The following TRIM71 variants were observed in gnomAD, a reference collection of about 807,000 sequenced individuals.
TRIM71 encodes the protein tripartite motif containing 71.
Under a neutral mutation model 61.2 loss-of-function variants are expected in TRIM71, and 9 were observed. That is an observed-to-expected ratio of 0.15 (90% CI 0.09 to 0.26). The LOEUF (loss-of-function observed/expected upper bound fraction) is 0.26, where lower values mean the gene tolerates loss of function less well. TRIM71 is among the 10% of genes least tolerant of loss of function. The pLI is 1.00. For missense variants in TRIM71, 998 were observed against 1,238.7 expected, an observed-to-expected ratio of 0.81 and a Z score of 2.92; for synonymous variants, 645 against 553.2, an observed-to-expected ratio of 1.17 and a Z score of -2.33.
In TRIM71 at chr3:32,818,414, T is replaced by C; in HGVS notation, c.334T>C (p.Ser112Pro). 6.8e-7 allele frequency: 1 copy of C among 1,477,450 alleles called. No individual in the cohort carries two copies. Among genetic ancestry groups the C allele is most frequent in the Non-Finnish European group, 8.9e-7 (1 of 1,118,618 alleles). The allele number at this position is 1,477,450 out of a possible 1,614,324, so 91.5% of individuals were successfully genotyped here. Residue 112 changes from serine (S) to proline (P), a missense_variant, in exon 1 of 4, where the codon TCC becomes CCC. Physicochemically the swap from Ser to Pro is moderately conservative, Grantham distance 74 (BLOSUM62 -1). Transcript: ENST00000383763. ...GGCGGGTATGGACGCGCTGCCTTCG[T>C]CCGCCTTCCTGCTTAGCAACCTGCT... ...EAAGMDALPS[S>P]AFLLSNLLDA...
At chr3:32,860,127 C>T (rs1337503193) in intron 1 of TRIM71, among the ~76,000 whole-genome samples, 1 of 146,314 alleles carries the variant, frequency 6.8e-6, no homozygotes, top group Admixed American at 6.8e-5. Context: ...CCTCTCCTCC[C>T]CTCCCCTCTT....
At chr3:32,866,475 C>T (rs1461916543) in intron 1 of TRIM71, among the ~76,000 whole-genome samples, 1 of 152,064 alleles carries the variant, frequency 6.6e-6, no homozygotes, top group Non-Finnish European at 1.5e-5. Flanking sequence ...GATCTGCCCT[C>T]TTCGCACTCC....
chr3:32,873,367 T>C (rs1696819117), intron 1 of TRIM71, among the ~76,000 whole-genome samples: 1 of 152,184 alleles, frequency 6.6e-6, no homozygotes, highest in Non-Finnish European at 1.5e-5. Context: ...TTCACACATC[T>C]AGGCTAGAGC....
rs1015817034 is a variant in TRIM71 at position 32,818,699 on chromosome 3, G to A, written c.619G>A (p.Ala207Thr). 1 of 1,581,364 alleles carries A rather than the reference G, an allele frequency of 6.3e-7. No homozygotes were observed. Among genetic ancestry groups the A allele is most frequent in the East Asian group, 2.3e-5 (1 of 43,846 alleles). Reference sequence around the variant, plus strand: ...CTGCAGCTCGTGCGATGAGGGCAACGCAGCTTCTTCGCGCTGCCTCGACTG... The same window carrying A: ...CTGCAGCTCGTGCGATGAGGGCAACACAGCTTCTTCGCGCTGCCTCGACTG... ...HGCSSCDEGN[A>T]ASSRCLDCQE... The change falls in exon 1 of 4, where the codon GCA becomes ACA. Residue 207 changes from alanine (A) to threonine (T), a missense_variant. By Grantham distance (58) the Ala-to-Thr change is moderately conservative (BLOSUM62 0). Coordinates refer to ENST00000383763, the MANE Select transcript of TRIM71 (RefSeq NM_001039111.3).
chr3:32,819,589 C>G (rs975683174), intron 1 of TRIM71, among the ~76,000 whole-genome samples: 1 of 152,208 alleles, frequency 6.6e-6, no homozygotes, highest in Non-Finnish European at 1.5e-5. Flanking sequence ...AAGCCCTTCT[C>G]TCTCTGCGGC....
intron 1 of TRIM71, among the ~76,000 whole-genome samples, chr3:32,852,449 A>G (rs981959994): frequency 6.6e-6 from 1 of 152,216 alleles, no homozygotes; most frequent in African/African-American, 2.4e-5. Context: ...GGGCTCTCAG[A>G]TGTGAGAACT....
Position 32,838,004 on chromosome 3 carries a change from G to T in TRIM71, c.852+19072G>T, listed in dbSNP as rs148721521. Among the ~76,000 whole-genome samples, 12 of 152,268 alleles carry T rather than the reference G, an allele frequency of 7.9e-5. No homozygotes were observed. In the East Asian group the frequency reaches 2.3e-3, roughly 29 times the overall value. ...CAAGGATTGCTCGGAAAATGTGGAT[G>T]TGAATTTTGCTCAATCAACACACTT... On this transcript the variant is annotated intron_variant, in intron 1 of 3. Transcript: ENST00000383763.
chr3:32,891,134 G>A lies in TRIM71; in HGVS notation c.1930G>A (p.Gly644Ser), dbSNP rs562098717. The change falls in exon 4 of 4, where the codon GGC (glycine) becomes AGC (serine). Residue 644 changes from glycine to serine, a missense_variant. Transcript: ENST00000383763. This position sits in a 1 kb window ranked among gnomAD's most constrained non-coding sequence, Gnocchi z 8.2. ...CTGCGGCGCCTTCCACCACAAATTC[G>A]GCACCCTGGGCTCCCGGCCTGGGCA... is the stretch of plus-strand genomic sequence containing the variant. Reference protein sequence around the residue: ...KPCGAFHHKFGTLGSRPGQFD... With the variant: ...KPCGAFHHKFSTLGSRPGQFD... 1 of 1,612,360 alleles carries A rather than the reference G, an allele frequency of 6.2e-7. No individual in the cohort carries two copies. The highest frequency in any genetic ancestry group is 1.3e-5 in the African/African-American group (1 of 75,038).
intron 2 of TRIM71, among the ~76,000 whole-genome samples, chr3:32,874,969 C>T (rs1171421882): frequency 2.0e-5 from 3 of 152,112 alleles, no homozygotes; most frequent in Non-Finnish European, 4.4e-5. Context: ...TACAGGCGCC[C>T]GCTGCCATTC....
intron 1 of TRIM71, among the ~76,000 whole-genome samples, chr3:32,869,573 G>A (rs769530195): frequency 6.6e-6 from 1 of 152,218 alleles, no homozygotes; most frequent in African/African-American, 2.4e-5. Context: ...GTGCACACAC[G>A]TTCATTAACA....
intron 1 of TRIM71, among the ~76,000 whole-genome samples, chr3:32,853,927 T>G (rs970221021): frequency 6.6e-6 from 1 of 151,334 alleles, no homozygotes; most frequent in Admixed American, 6.6e-5. Flanking sequence ...TCATTTGAAC[T>G]CAAGAGGCGG....
intron 3 of TRIM71, among the ~76,000 whole-genome samples, chr3:32,886,365 GA>G (rs1559551285): frequency 6.6e-6 from 1 of 152,166 alleles, no homozygotes; most frequent in Non-Finnish European, 1.5e-5. Context: ...GAGCATAGTC[GA>G]AACTGTTGTT....
chr3:32,821,905 G>T (rs1034763000), intron 1 of TRIM71, among the ~76,000 whole-genome samples: 1 of 152,046 alleles, frequency 6.6e-6, no homozygotes, highest in Non-Finnish European at 1.5e-5. Flanking sequence ...GCAGGCACCC[G>T]CTGGGGTATT....
chr3:32,823,768 A>C (rs1322452489), intron 1 of TRIM71, among the ~76,000 whole-genome samples: 1 of 146,390 alleles, frequency 6.8e-6, no homozygotes, highest in Non-Finnish European at 1.5e-5. Context: ...GACTATCTAA[A>C]AAGATACAGG....
At chr3:32,822,749 G>A (rs187344761) in intron 1 of TRIM71, among the ~76,000 whole-genome samples, 3 of 152,178 alleles carry the variant, frequency 2.0e-5, no homozygotes, top group East Asian at 1.9e-4. Flanking sequence ...ACTGCATGTC[G>A]AAGTAATTCT....
intron 1 of TRIM71, among the ~76,000 whole-genome samples, chr3:32,861,421 C>T (rs1000489288): frequency 2.0e-5 from 3 of 148,160 alleles, no homozygotes; most frequent in Admixed American, 1.3e-4. Context: ...CATGAGCCAC[C>T]GTGCCCAGCC....
At chr3:32,822,607 G>A (rs2125673389) in intron 1 of TRIM71, among the ~76,000 whole-genome samples, 1 of 152,276 alleles carries the variant, frequency 6.6e-6, no homozygotes, top group South Asian at 2.1e-4. Context: ...TGTTCCCAAA[G>A]TCTAAGTTTT....
At chr3:32,866,122 A>G (rs1464139062) in intron 1 of TRIM71, among the ~76,000 whole-genome samples, 1 of 150,862 alleles carries the variant, frequency 6.6e-6, no homozygotes, top group African/African-American at 2.4e-5. Context: ...CACCATGTAC[A>G]ACATGACTTA....
intron 1 of TRIM71, among the ~76,000 whole-genome samples, chr3:32,852,080 T>C (rs1470213661): frequency 2.0e-5 from 3 of 152,176 alleles, no homozygotes; most frequent in Non-Finnish European, 2.9e-5. Context: ...AGGCTCTATA[T>C]TGGACCTGCT....
Sources: allele counts gnomAD v4.1 joint callset (sites outside exome capture counted in the v4.1 genomes callset), GRCh38; gene constraint gnomAD v4.1.1; non-coding constraint Gnocchi (gnomAD v3.1); transcripts MANE v1.5; gene names NCBI Gene and HGNC (gene_info 2026-07-23, HGNC 2026-07-21).